Variants in ULK4 observed in about 807,000 individuals in gnomAD.
The protein encoded by ULK4 is unc-51 like kinase 4, also known as inactive serine/threonine-protein kinase ULK4.
ULK4 carries 133 observed loss-of-function variants against 160.6 expected under a neutral mutation model. That is an observed-to-expected ratio of 0.83 (90% CI 0.72 to 0.96). The LOEUF is 0.96. ULK4 is among the 40% of genes least tolerant of loss of function. ULK4 has a pLI of 0.00. For missense variants in ULK4, 1,580 were observed against 1,499.5 expected (o/e 1.05, Z -0.89); for synonymous variants, 534 against 539.8 (o/e 0.99, Z 0.15).
intron 35 of ULK4, among the ~76,000 whole-genome samples, chr3:41,331,092 G>A (rs977991592): frequency 1.3e-5 from 2 of 152,334 alleles, no homozygotes; most frequent in Middle Eastern, 3.4e-3. Flanking sequence ...GTAGCCACTT[G>A]GGTGAAAGAA....
chr3:41,523,637 G>A (rs2125933855), intron 32 of ULK4, among the ~76,000 whole-genome samples: 1 of 152,180 alleles, frequency 6.6e-6, no homozygotes, highest in Non-Finnish European at 1.5e-5. Context: ...AATAAGTTTA[G>A]GAGAAGGTAT....
intron 19 of ULK4, among the ~76,000 whole-genome samples, chr3:41,804,389 G>A (rs577488510): frequency 6.6e-6 from 1 of 152,174 alleles, no homozygotes; most frequent in South Asian, 2.1e-4. Flanking sequence ...TTAGCCCTTT[G>A]TCGGATGAGT....
intron 35 of ULK4, among the ~76,000 whole-genome samples, chr3:41,250,680 G>C (rs2078728643): frequency 6.6e-6 from 1 of 152,170 alleles, no homozygotes; most frequent in Non-Finnish European, 1.5e-5. Context: ...ACATTAACAT[G>C]AACTCTGAAT....
intron 21 of ULK4, among the ~76,000 whole-genome samples, chr3:41,757,313 G>T (rs894740845): frequency 4.6e-5 from 7 of 152,112 alleles, no homozygotes; most frequent in African/African-American, 1.7e-4. Flanking sequence ...AACGAAAAAT[G>T]AAAATCAAAA....
chr3:41,469,874 G>T (rs2083932371), intron 32 of ULK4, among the ~76,000 whole-genome samples: 1 of 150,684 alleles, frequency 6.6e-6, no homozygotes, highest in Non-Finnish European at 1.5e-5. Flanking sequence ...TGAACTTGAA[G>T]ATAGAACATC....
At chr3:41,876,150 G>A (rs1329482754) in intron 17 of ULK4, among the ~76,000 whole-genome samples, 4 of 147,204 alleles carry the variant, frequency 2.7e-5, no homozygotes, top group Non-Finnish European at 5.9e-5. Flanking sequence ...AATGTAATGT[G>A]GCAAGAAAAA....
At chr3:41,831,212 G>C (rs2041570557) in intron 18 of ULK4, among the ~76,000 whole-genome samples, 1 of 151,776 alleles carries the variant, frequency 6.6e-6, no homozygotes, top group Non-Finnish European at 1.5e-5. Context: ...AAGTTTTTTA[G>C]ACGAGGTTTC....
rs370557237 is a variant in ULK4, at chr3:41,836,384, G to A, written c.1657-413C>T. 1.8e-4 allele frequency among the ~76,000 whole-genome samples: 27 copies of A among 152,188 alleles called. No individual in the cohort carries two copies. The East Asian group carries it at 1.9e-3, about 11-fold the overall frequency. ...GACGGGGTTTTGCCATGTTGGCCAGGCTGATCTCAAACTCCTGGCCTCAAG... is the reference window on the plus strand; with the variant it reads ...GACGGGGTTTTGCCATGTTGGCCAGACTGATCTCAAACTCCTGGCCTCAAG... On this transcript the variant is annotated intron_variant, in intron 17 of 36. Coordinates refer to ENST00000301831, the MANE Select transcript of ULK4 (RefSeq NM_017886.4).
At chr3:41,398,374 T>G (rs930488798) in intron 34 of ULK4, 110 bp from the exon 35 acceptor site, 18 of 1,070,802 alleles carry the variant, frequency 1.7e-5, no homozygotes, top group East Asian at 1.6e-4. Flanking sequence ...AGTAGTCTGC[T>G]GAATACTTTT....
intron 31 of ULK4, among the ~76,000 whole-genome samples, chr3:41,592,300 A>G (rs1187134067): frequency 6.6e-6 from 1 of 152,174 alleles, no homozygotes; most frequent in African/African-American, 2.4e-5. Context: ...GTGTAGAGGA[A>G]GCAGCGGGAA....
At chr3:41,476,904 C>T (rs1448002900) in intron 32 of ULK4, among the ~76,000 whole-genome samples, 1 of 152,136 alleles carries the variant, frequency 6.6e-6, no homozygotes, top group Admixed American at 6.5e-5. Flanking sequence ...ACCTTTGTCT[C>T]CAGACTAGTA....
intron 17 of ULK4, chr3:41,859,345 C>T (rs994906020): frequency 1.7e-6 from 1 of 593,310 alleles, no homozygotes; most frequent in Non-Finnish European, 3.3e-6. Context: ...AGCACATCTT[C>T]CTCCTCAAGG....
intron 30 of ULK4, among the ~76,000 whole-genome samples, chr3:41,639,061 C>A (rs1174800842): frequency 6.6e-6 from 1 of 152,194 alleles, no homozygotes; most frequent in Non-Finnish European, 1.5e-5. Flanking sequence ...TATCAAGGAA[C>A]TGACTCTCTC....
intron 32 of ULK4, among the ~76,000 whole-genome samples, chr3:41,495,253 G>A (rs1454304927): frequency 1.3e-5 from 2 of 152,072 alleles, no homozygotes; most frequent in African/African-American, 4.8e-5. Context: ...GAACAGAACA[G>A]AGCCCTCAGA....
intron 22 of ULK4, among the ~76,000 whole-genome samples, chr3:41,718,560 A>G (rs1392437266): frequency 6.6e-6 from 1 of 152,028 alleles, no homozygotes; most frequent in Non-Finnish European, 1.5e-5. Flanking sequence ...CCTTTGCTGG[A>G]CCTACTAGTC....
chr3:41,280,564 T>A (rs1233745335), intron 35 of ULK4, among the ~76,000 whole-genome samples: 1 of 152,002 alleles, frequency 6.6e-6, no homozygotes, highest in Non-Finnish European at 1.5e-5. Flanking sequence ...GACTACTGAG[T>A]AAACAACGAA....
intron 17 of ULK4, among the ~76,000 whole-genome samples, chr3:41,842,009 A>G (rs55941479): frequency 0.31 from 47,640 of 151,734 alleles, 11,012 homozygotes; most frequent in African/African-American, 0.66. Context: ...GCCAAAGGCC[A>G]CAGGGACCTC....
chr3:41,488,424 T>C (rs571073789), intron 32 of ULK4, among the ~76,000 whole-genome samples: 6 of 152,182 alleles, frequency 3.9e-5, no homozygotes, highest in Non-Finnish European at 7.4e-5. Context: ...TTGTGCTTGG[T>C]AAGCTCTACA....
intron 35 of ULK4, among the ~76,000 whole-genome samples, chr3:41,336,478 G>A (rs573441096): frequency 3.3e-5 from 5 of 152,296 alleles, no homozygotes; most frequent in African/African-American, 1.2e-4. Context: ...TTCTGGACAA[G>A]CACAGAAGTC....
Sources: gnomAD v4.1 joint callset for allele counts (sites outside exome capture counted in the v4.1 genomes callset) on GRCh38, gnomAD v4.1.1 for gene constraint, MANE v1.5 for transcripts, NCBI Gene and HGNC (gene_info 2026-07-23, HGNC 2026-07-21) for gene names.